The following IMMP2L variants were observed in gnomAD, a reference collection of about 807,000 sequenced individuals.
IMMP2L encodes inner mitochondrial membrane peptidase subunit 2, also known as mitochondrial inner membrane protease subunit 2.
IMMP2L carries 18 observed loss-of-function variants against 19.3 expected under a neutral mutation model. The ratio of observed to expected loss-of-function variants is 0.93; its 90% confidence interval spans 0.64 to 1.38. The LOEUF (loss-of-function observed/expected upper bound fraction) is 1.38. Among genes scored for constraint, IMMP2L ranks in the 40% most tolerant of loss-of-function variants. The pLI is 0.00. For missense variants in IMMP2L, 233 were observed against 218.2 expected (o/e 1.07, Z -0.43); for synonymous variants, 76 against 73.0 (o/e 1.04, Z -0.21).
intron 3 of IMMP2L, among the ~76,000 whole-genome samples, chr7:111,365,225 C>T (rs1456118235): frequency 3.3e-5 from 5 of 151,996 alleles, no homozygotes; most frequent in East Asian, 1.9e-4. Flanking sequence ...CTGTACTTCA[C>T]GAAAGATGTA....
At chr7:111,112,496 C>T (rs1019312480) in intron 3 of IMMP2L, among the ~76,000 whole-genome samples, 4 of 152,128 alleles carry the variant, frequency 2.6e-5, no homozygotes, top group Non-Finnish European at 5.9e-5. Context: ...CACAAACATG[C>T]ACACAGCCAT....
intron 3 of IMMP2L, among the ~76,000 whole-genome samples, chr7:111,200,315 C>T (rs533907101): frequency 6.6e-6 from 1 of 152,044 alleles, no homozygotes; most frequent in African/African-American, 2.4e-5. Flanking sequence ...TTAGCACAGT[C>T]GAAAGTGTAA....
At chr7:110,751,447 A>C (rs116182355) in intron 5 of IMMP2L, among the ~76,000 whole-genome samples, 1,980 of 152,170 alleles carry the variant, frequency 0.013, 39 homozygotes, top group African/African-American at 0.045. Context: ...CCAACATTCA[A>C]GCAACTCTAA....
At chr7:110,917,223 T>C (rs1435902985) in intron 4 of IMMP2L, among the ~76,000 whole-genome samples, 1 of 152,140 alleles carries the variant, frequency 6.6e-6, no homozygotes, top group African/African-American at 2.4e-5. Flanking sequence ...AGGAAGGGAA[T>C]CTCTGGAGGG....
At chr7:111,031,590 A>C (rs997159679) in intron 3 of IMMP2L, among the ~76,000 whole-genome samples, 2 of 152,166 alleles carry the variant, frequency 1.3e-5, no homozygotes, top group Admixed American at 1.3e-4. Flanking sequence ...TAAATGACTG[A>C]ATACATAAAT....
At chr7:110,806,605 A>T (rs898189148) in intron 5 of IMMP2L, among the ~76,000 whole-genome samples, 2 of 152,018 alleles carry the variant, frequency 1.3e-5, no homozygotes, top group African/African-American at 4.8e-5. Context: ...CCCAAAAAAT[A>T]GTTGGTCTCA....
intron 5 of IMMP2L, among the ~76,000 whole-genome samples, chr7:110,788,088 G>T (rs1800207955): frequency 2.0e-5 from 3 of 151,602 alleles, no homozygotes; most frequent in East Asian, 2.0e-4. Context: ...TTACAAATAC[G>T]CTCTAAAGTC....
chr7:111,249,415 C>A (rs141291010), intron 3 of IMMP2L, among the ~76,000 whole-genome samples: 6,070 of 146,618 alleles, frequency 0.041, 188 homozygotes, highest in South Asian at 0.072. Context: ...CCTGCGCCCA[C>A]TGTCTGGCAC....
rs551219610 is a variant in IMMP2L at position 110,963,500 on chromosome 7, C to T, written c.305G>A (p.Arg102Lys). 2 of 1,589,144 alleles carry T rather than the reference C, an allele frequency of 1.3e-6. No individual in the cohort carries two copies. Among genetic ancestry groups the T allele is most frequent in the African/African-American group, 2.7e-5 (2 of 74,146 alleles). The change falls in exon 4 of 6, where the codon AGA (arginine) becomes AAA (lysine). Residue 102 changes from arginine to lysine, a missense_variant and splice_region_variant. Physicochemically the swap from Arg to Lys is conservative, Grantham distance 26 (BLOSUM62 2). Coordinates refer to ENST00000405709, the MANE Select transcript of IMMP2L (RefSeq NM_032549.4). ...CTCAGAAACAACAGTAAATACTTAC[C>T]TGACAATATCTCCTTCAAGAGCAAT... is the stretch of plus-strand genomic sequence containing the variant. ...RVIALEGDIVRTIGHKNRYVK... is the reference protein window; with the variant it reads ...RVIALEGDIVKTIGHKNRYVK...
At chr7:111,531,389 G>A (rs920743834) in intron 1 of IMMP2L, among the ~76,000 whole-genome samples, 7 of 151,418 alleles carry the variant, frequency 4.6e-5, no homozygotes, top group Middle Eastern at 3.5e-3. Context: ...GACTCTCTAA[G>A]AACTGGCTCA....
intron 5 of IMMP2L, among the ~76,000 whole-genome samples, chr7:110,677,987 G>A (rs1792439348): frequency 6.6e-6 from 1 of 152,102 alleles, no homozygotes; most frequent in South Asian, 2.1e-4. Context: ...TCTGCAGAAA[G>A]ACCCAGCATC....
At chr7:110,906,914 G>T (rs530532943) in intron 4 of IMMP2L, among the ~76,000 whole-genome samples, 1 of 152,182 alleles carries the variant, frequency 6.6e-6, no homozygotes, top group Non-Finnish European at 1.5e-5. Flanking sequence ...GGGGTGCCTT[G>T]CTTACTCAGC....
chr7:110,696,174 G>A (rs1202873305), intron 5 of IMMP2L, among the ~76,000 whole-genome samples: 1 of 152,160 alleles, frequency 6.6e-6, no homozygotes, highest in Non-Finnish European at 1.5e-5. Flanking sequence ...AAGCAGTAAG[G>A]CTGGCAAGGA....
intron 5 of IMMP2L, among the ~76,000 whole-genome samples, chr7:110,881,955 C>T (rs530886709): frequency 1.3e-5 from 2 of 152,290 alleles, no homozygotes; most frequent in Non-Finnish European, 2.9e-5. Flanking sequence ...TTTTCATACA[C>T]AAATGCTCTA....
chr7:111,154,411 TCAG>T, intron 3 of IMMP2L, among the ~76,000 whole-genome samples: 1 of 152,206 alleles, frequency 6.6e-6, no homozygotes, highest in Admixed American at 6.5e-5. Context: ...AAGCATCACA[TCAG>T]CAAATAGAAT....
At chr7:111,133,770 G>T (rs148238472) in intron 3 of IMMP2L, among the ~76,000 whole-genome samples, 2 of 151,778 alleles carry the variant, frequency 1.3e-5, no homozygotes, top group Non-Finnish European at 2.9e-5. Context: ...AAAGAAAATA[G>T]ACATAGGCAC....
chr7:111,122,232 G>T (rs1465165976), intron 3 of IMMP2L, among the ~76,000 whole-genome samples: 1 of 149,444 alleles, frequency 6.7e-6, no homozygotes, highest in Non-Finnish European at 1.5e-5. Context: ...TAAAAAAAAA[G>T]AATTATCAAG....
intron 2 of IMMP2L, among the ~76,000 whole-genome samples, chr7:111,503,552 A>G (rs2132473114): frequency 6.6e-6 from 1 of 152,328 alleles, no homozygotes; most frequent in East Asian, 1.9e-4. Flanking sequence ...CTTGATGAAC[A>G]TTGATGCAAA....
At chr7:110,790,566 C>T (rs752806864) in intron 5 of IMMP2L, among the ~76,000 whole-genome samples, 3 of 151,600 alleles carry the variant, frequency 2.0e-5, no homozygotes, top group Non-Finnish European at 2.9e-5. Flanking sequence ...TACTTTTCAA[C>T]GTAGAGCTGA....
Sources: allele counts gnomAD v4.1 joint callset (sites outside exome capture counted in the v4.1 genomes callset), GRCh38; gene constraint gnomAD v4.1.1; transcripts MANE v1.5; gene names NCBI Gene and HGNC (gene_info 2026-07-23, HGNC 2026-07-21).